Variants in KDR observed in about 807,000 individuals in gnomAD.
KDR encodes the protein vascular endothelial growth factor receptor 2.
Under a neutral mutation model 160.9 loss-of-function variants are expected in KDR, and 43 were observed. The ratio of observed to expected loss-of-function variants is 0.27; its 90% confidence interval spans 0.21 to 0.34. The LOEUF is 0.34. KDR is among the 10% of genes least tolerant of loss of function. The pLI, the probability that KDR is intolerant of heterozygous loss-of-function variation, is 1.00. For synonymous variants in KDR, 617 were observed against 600.1 expected (o/e 1.03, Z -0.41); for missense variants, 1,469 against 1,666.4 (o/e 0.88, Z 2.06).
At chr4:55,084,476 C>A (rs1719810514) in intron 27 of KDR, among the ~76,000 whole-genome samples, 1 of 152,134 alleles carries the variant, frequency 6.6e-6, no homozygotes, top group Admixed American at 6.5e-5. Context: ...TCCTTAAATT[C>A]TTAATCCAGT....
At position 55,079,183 on chromosome 4, in the gene KDR, G is replaced by A. The variant is rs2110002958; in HGVS notation, c.*758C>T. 1 of 233,502 alleles carries A rather than the reference G, an allele frequency of 4.3e-6. No homozygotes were observed. 14.5% of individuals were successfully genotyped at this position (233,502 alleles called of 1,614,324 possible). On this transcript the variant is annotated 3_prime_UTR_variant, in exon 30 of 30. Transcript: ENST00000263923. ...AAAGGATCAGCCTGGGAGACAAGGA[G>A]CCAGAGCTGCATCATTTCCTTCCTG...
chr4:55,094,646 G>T (rs1484485390), intron 21 of KDR, among the ~76,000 whole-genome samples, 156 bp downstream of exon 21: 6 of 152,216 alleles, frequency 3.9e-5, no homozygotes, highest in Non-Finnish European at 5.9e-5. Flanking sequence ...CTTTTGGGGA[G>T]ACAGAATGGA....
chr4:55,117,382 A>T (rs1004072012), intron 3 of KDR, among the ~76,000 whole-genome samples: 2 of 152,194 alleles, frequency 1.3e-5, no homozygotes, highest in African/African-American at 4.8e-5. Context: ...TGCATCTCTC[A>T]AGACTGCCAG....
chr4:55,102,579 T>A, intron 13 of KDR, 71 bp from the exon 14 acceptor site: 1 of 1,525,208 alleles, frequency 6.6e-7, no homozygotes, highest in South Asian at 1.1e-5. Flanking sequence ...ATCAGCAAAC[T>A]TTTAAACAGT....
chr4:55,110,806 G>C (rs769762942), intron 7 of KDR, 38 bp from the exon 8 acceptor site: 12 of 1,458,026 alleles, frequency 8.2e-6, no homozygotes, highest in Non-Finnish European at 1.1e-5. Flanking sequence ...TCAACTTACT[G>C]TAAATGGTCA....
At chr4:55,087,560 G>C (rs1321641614) in intron 27 of KDR, 47 bp downstream of exon 27, 1 of 1,576,694 alleles carries the variant, frequency 6.3e-7, no homozygotes, top group East Asian at 2.2e-5. Context: ...TCCCGAGATG[G>C]CCTTGAAGTC....
intron 20 of KDR, 127 bp from the exon 21 acceptor site, chr4:55,095,082 T>C: frequency 1.1e-6 from 1 of 930,208 alleles, no homozygotes; most frequent in Non-Finnish European, 1.7e-6. Flanking sequence ...AAGGAGGACA[T>C]CAATTTCAGG....
In KDR at chr4:55,087,731, T is replaced by C. The variant is rs143459233; in HGVS notation, c.3538A>G (p.Ile1180Val). 3 of 1,614,148 alleles carry C rather than the reference T, an allele frequency of 1.9e-6. No individual in the cohort carries two copies. The highest frequency in any genetic ancestry group is 1.7e-6 in the Non-Finnish European group (2 of 1,179,990). ...TCTTCCATGCTCAAAGTCTCTGATA[T>C]CGGAAGAACAATGTAGTCTTTGCCA... ...QDGKDYIVLP[I>V]SETLSMEEDS... The change falls in exon 27 of 30, where the codon ATA (isoleucine) becomes GTA (valine). Residue 1180 changes from isoleucine (I) to valine (V), a missense_variant. This residue lies in a region of KDR where 132 missense variants were observed against 195.9 expected (regional missense o/e 0.67). Transcript: ENST00000263923.
At position 55,079,704 on chromosome 4, in the gene KDR, A is replaced by G; in HGVS notation, c.*237T>C. On this transcript the variant is annotated 3_prime_UTR_variant, in exon 30 of 30. Coordinates refer to ENST00000263923, the MANE Select transcript of KDR (RefSeq NM_002253.4). ...AGGGGGCATGATAAATGCTTTTTAAATGAATGAAAAAGAGGATCAGGTCAA... is the reference window on the plus strand; with the variant it reads ...AGGGGGCATGATAAATGCTTTTTAAGTGAATGAAAAAGAGGATCAGGTCAA... 1 of 577,034 alleles carries G rather than the reference A, an allele frequency of 1.7e-6. No homozygotes were observed. Among genetic ancestry groups the G allele is most frequent in the South Asian group, 2.0e-5 (1 of 49,368 alleles). 35.7% of individuals were successfully genotyped at this position (577,034 alleles called of 1,614,324 possible).
At chr4:55,089,641 TTG>T in intron 24 of KDR, 48 bp downstream of exon 24, 1 of 1,538,704 alleles carries the variant, frequency 6.5e-7, no homozygotes, top group Non-Finnish European at 9.0e-7. Flanking sequence ...AAGACAACTT[TTG>T]TCTTCCTCTT....
chr4:55,106,397 T>A (rs1720446446), intron 11 of KDR, among the ~76,000 whole-genome samples: 1 of 152,232 alleles, frequency 6.6e-6, no homozygotes, highest in African/African-American at 2.4e-5. Flanking sequence ...ACTAATGATG[T>A]GTTTTAATAT....
intron 4 of KDR, 102 bp downstream of exon 4, chr4:55,115,179 G>T: frequency 7.9e-7 from 1 of 1,268,352 alleles, no homozygotes. Context: ...CTTCCTAAAG[G>T]ATCCTTAAAA....
At chr4:55,111,999 T>C (rs1720596832) in intron 7 of KDR, among the ~76,000 whole-genome samples, 2 of 152,214 alleles carry the variant, frequency 1.3e-5, no homozygotes, top group Admixed American at 6.5e-5. Flanking sequence ...ATTCTCATAA[T>C]ATAAACTCCA....
At chr4:55,089,317 G>T in intron 25 of KDR, 57 bp downstream of exon 25, 1 of 1,278,298 alleles carries the variant, frequency 7.8e-7, no homozygotes, top group Non-Finnish European at 1.1e-6. Flanking sequence ...AGTCTTCCAG[G>T]CAAGGAGAAT....
chr4:55,110,933 C>A (rs921760945), intron 7 of KDR, among the ~76,000 whole-genome samples, 165 bp from the exon 8 acceptor site: 12 of 152,088 alleles, frequency 7.9e-5, no homozygotes, highest in Non-Finnish European at 1.6e-4. Flanking sequence ...TTCTCCCACA[C>A]CTCCCGTGTT....
chr4:55,103,616 C>A (rs1466603880), intron 13 of KDR, among the ~76,000 whole-genome samples: 1 of 152,078 alleles, frequency 6.6e-6, no homozygotes. Context: ...GACTTGACCC[C>A]AAAGTATCTC....
At chr4:55,103,325 G>A (rs1443334095) in intron 13 of KDR, among the ~76,000 whole-genome samples, 3 of 152,114 alleles carry the variant, frequency 2.0e-5, no homozygotes, top group Non-Finnish European at 2.9e-5. Flanking sequence ...AAAAATCCAC[G>A]TCAACACTTA....
At chr4:55,080,789 G>A (rs565942016) in intron 29 of KDR, among the ~76,000 whole-genome samples, 1 of 152,244 alleles carries the variant, frequency 6.6e-6, no homozygotes, top group South Asian at 2.1e-4. Flanking sequence ...CCTGACAGAC[G>A]GTAATCATGT....
chr4:55,118,292 A>G (rs1246517337), intron 3 of KDR, among the ~76,000 whole-genome samples: 1 of 152,118 alleles, frequency 6.6e-6, no homozygotes, highest in Non-Finnish European at 1.5e-5. Flanking sequence ...CGATTTCAAG[A>G]ATTTTAGGTT....
Sources: gnomAD v4.1 joint callset for allele counts (sites outside exome capture counted in the v4.1 genomes callset) on GRCh38, gnomAD v4.1.1 for gene constraint, gnomAD v4.1.1 regional missense constraint, MANE v1.5 for transcripts, NCBI Gene and HGNC (gene_info 2026-07-23, HGNC 2026-07-21) for gene names.